The following TSPO2 variants were observed in gnomAD, a reference collection of about 807,000 sequenced individuals.
TSPO2 encodes benzodiazapine receptor (peripheral)-like 1.
A neutral mutation model predicts 13.3 loss-of-function variants in TSPO2; 15 were observed. That is an observed-to-expected ratio of 1.13 (90% CI 0.75 to 1.73). The LOEUF (loss-of-function observed/expected upper bound fraction) is 1.73, where lower values mean the gene tolerates loss of function less well. Among genes scored for constraint, TSPO2 ranks in the 40% most tolerant of loss-of-function variants. The pLI, the probability that TSPO2 is intolerant of heterozygous loss-of-function variation, is 0.00. For synonymous variants in TSPO2, 81 were observed against 91.6 expected, an observed-to-expected ratio of 0.88 and a Z score of 0.66; for missense variants, 202 against 198.3, an observed-to-expected ratio of 1.02 and a Z score of -0.11.
upstream of TSPO2, among the ~76,000 whole-genome samples, chr6:41,041,651 C>T (rs1176657387): frequency 6.6e-6 from 1 of 152,242 alleles, no homozygotes; most frequent in Non-Finnish European, 1.5e-5. Context: ...CCAGAACCTC[C>T]AGGACCAGTG....
In TSPO2 at chr6:41,044,093, CT is replaced by C; in HGVS notation, c.472del (p.Cys158ValfsTer38). On this transcript the variant is annotated frameshift_variant, in exon 4 of 4. Transcript: ENST00000373161. LOFTEE classifies it low-confidence loss of function (END_TRUNC). Reference sequence around the variant, plus strand: ...CACCTACCACCTGTGGAGGGACAGCCTTTGTCCAGTGCACCAGCCTCAGCCC... The same window carrying C: ...CACCTACCACCTGTGGAGGGACAGCCTTGTCCAGTGCACCAGCCTCAGCCC... ...ALTYHLWRDS[L>X]CPVHQPQPTE... The C allele has an allele frequency of 6.2e-7, 1 of 1,614,182 alleles. No homozygotes were observed. The highest frequency in any genetic ancestry group is 2.2e-5 in the East Asian group (1 of 44,876).
upstream of TSPO2, among the ~76,000 whole-genome samples, chr6:41,042,146 G>C (rs1477121590): frequency 6.6e-6 from 1 of 152,112 alleles, no homozygotes; most frequent in Non-Finnish European, 1.5e-5. Flanking sequence ...GCTGGAGGAG[G>C]GTCTGTACAT....
In TSPO2 at chr6:41,044,144, A is replaced by G. The variant is rs1762641035; in HGVS notation, c.*7A>G. ...CACGGAGAAGAGTGACTGAGGCCCT[A>G]GGGCATGGGAGAGGAGGGACGCCCA... On this transcript the variant is annotated 3_prime_UTR_variant, in exon 4 of 4. Coordinates refer to ENST00000373161, the MANE Select transcript of TSPO2 (RefSeq NM_001010873.3). 4.3e-6 allele frequency: 7 copies of G among 1,613,984 alleles called. No individual in the cohort carries two copies. The highest frequency in any genetic ancestry group is 4.2e-6 in the Non-Finnish European group (5 of 1,179,948).
rs756026828 is a variant in TSPO2 at position 41,042,990 on chromosome 6, G to A, written c.5G>A (p.Arg2Gln). M[R>Q]LQGAIFVLLP... Reference sequence around the variant, plus strand: ...GATTTTGCCTCTTCAAGGTGAATGCGGCTTCAAGGGGCTATCTTTGTGCTC... The same window carrying A: ...GATTTTGCCTCTTCAAGGTGAATGCAGCTTCAAGGGGCTATCTTTGTGCTC... The change falls in exon 2 of 4, where the codon CGG becomes CAG. Residue 2 changes from arginine to glutamine, a missense_variant. Transcript: ENST00000373161. 9 of 1,613,610 alleles carry A rather than the reference G, an allele frequency of 5.6e-6. No individual in the cohort carries two copies. The highest frequency in any genetic ancestry group is 2.2e-5 in the East Asian group (1 of 44,876).
Position 41,043,271 on chromosome 6 carries a change from C to G in TSPO2, c.173+113C>G, listed in dbSNP as rs546912396. On this transcript the variant is annotated intron_variant, in intron 2 of 3. Coordinates refer to ENST00000373161, the MANE Select transcript of TSPO2 (RefSeq NM_001010873.3). ...TCCAAAGGTAGGCGCTTTGTCTTGC[C>G]TCTCACCACCATAGTGGGTCCTCCA... The G allele has an allele frequency of 6.7e-5, 87 of 1,299,996 alleles. No individual in the cohort carries two copies. The African/African-American group carries it at 1.0e-3, about 15-fold the overall frequency. 80.5% of individuals were successfully genotyped at this position (1,299,996 alleles called of 1,614,324 possible).
In TSPO2 at chr6:41,043,149, CTG is replaced by C. The variant is rs1762616341; in HGVS notation, c.166_167del (p.Val56ArgfsTer114). 4 of 1,612,202 alleles carry C rather than the reference CTG, an allele frequency of 2.5e-6. No homozygotes were observed. Among genetic ancestry groups the C allele is most frequent in the Non-Finnish European group, 3.4e-6 (4 of 1,178,940 alleles). Reference sequence around the variant, plus strand: ...TTGCTTGTACAGACAGCCATCTACTCTGTCGTGGGGTGAGTACTTGTTTCTCA... The same window carrying C: ...TTGCTTGTACAGACAGCCATCTACTCTCGTGGGGTGAGTACTTGTTTCTCA... On this transcript the variant is annotated frameshift_variant, in exon 2 of 4. Transcript: ENST00000373161. LOFTEE classifies it high-confidence loss of function.
rs764268789 is a variant in TSPO2 at position 41,042,959 on chromosome 6, T to C, written c.-20-7T>C. On this transcript the variant is annotated splice_polypyrimidine_tract_variant and splice_region_variant and intron_variant, in intron 1 of 3. Coordinates refer to ENST00000373161, the MANE Select transcript of TSPO2 (RefSeq NM_001010873.3). ...GCTCATCACTAGCATGTTCTCTGCC[T>C]CCCCAGATTTTGCCTCTTCAAGGTG... 9.3e-5 allele frequency: 150 copies of C among 1,612,492 alleles called. 2 individuals carry two copies. In the South Asian group the frequency reaches 1.6e-3, roughly 17 times the overall value.
At chr6:41,043,409 C>A in intron 2 of TSPO2, 148 bp from the exon 3 acceptor site, 1 of 1,112,856 alleles carries the variant, frequency 9.0e-7, no homozygotes, top group Non-Finnish European at 1.3e-6. Flanking sequence ...CTCCCACCAA[C>A]TCCCTCCCTG....
chr6:41,043,236 T>G, intron 2 of TSPO2, 78 bp downstream of exon 2: 1 of 1,494,626 alleles, frequency 6.7e-7, no homozygotes, highest in Non-Finnish European at 9.0e-7. Context: ...ATTACTCCCA[T>G]ATATTGGCCT....
rs1468462781 is a variant in TSPO2 at position 41,042,638 on chromosome 6, G to A, written c.-161G>A. On this transcript the variant is annotated 5_prime_UTR_variant, in exon 1 of 4. Coordinates refer to ENST00000373161, the MANE Select transcript of TSPO2 (RefSeq NM_001010873.3). ...CCACTGCAGAAAAGCTCATCACCCG[G>A]GACCTGATCTCCAGGACTCAGAAGC... 1.0e-5 allele frequency: 5 copies of A among 497,564 alleles called. No individual in the cohort carries two copies. Among genetic ancestry groups the A allele is most frequent in the Non-Finnish European group, 2.0e-5 (5 of 254,618 alleles). 30.8% of individuals were successfully genotyped at this position (497,564 alleles called of 1,614,324 possible). A position where few individuals can be genotyped will look rare whatever the true frequency, so the allele number is the denominator to read the frequency against.
upstream of TSPO2, among the ~76,000 whole-genome samples, chr6:41,042,241 G>A (rs978066519): frequency 6.6e-6 from 1 of 152,174 alleles, no homozygotes; most frequent in Non-Finnish European, 1.5e-5. Context: ...TCCTTGAAAA[G>A]TCAGGCCACA....
In TSPO2 at chr6:41,044,253, G is replaced by A. The variant is rs564518910; in HGVS notation, c.*116G>A. 2.6e-5 allele frequency: 26 copies of A among 1,018,910 alleles called. No homozygotes were observed. The highest frequency in any genetic ancestry group is 6.0e-5 in the South Asian group (4 of 66,648). The allele number at this position is 1,018,910 out of a possible 1,614,324, so 63.1% of individuals were successfully genotyped here. A position where few individuals can be genotyped will look rare whatever the true frequency, so the allele number is the denominator to read the frequency against. ...CCACCCTCCTGGGTCCCCTGGTGCCGTTTTTCCTTAGAAATCAGAGAAATG... is the reference window on the plus strand; with the variant it reads ...CCACCCTCCTGGGTCCCCTGGTGCCATTTTTCCTTAGAAATCAGAGAAATG... On this transcript the variant is annotated 3_prime_UTR_variant, in exon 4 of 4. Transcript: ENST00000373161.
Position 41,043,020 on chromosome 6 carries a change from C to T in TSPO2, c.35C>T (p.Pro12Leu). The T allele has an allele frequency of 6.2e-7, 1 of 1,614,084 alleles. No homozygotes were observed. The highest frequency in any genetic ancestry group is 8.5e-7 in the Non-Finnish European group (1 of 1,180,000). ...CAAGGGGCTATCTTTGTGCTCCTGCCCCACCTGGGGCCCATCCTGGTCTGG... is the reference window on the plus strand; with the variant it reads ...CAAGGGGCTATCTTTGTGCTCCTGCTCCACCTGGGGCCCATCCTGGTCTGG... The part of the protein sequence containing the change: ...RLQGAIFVLL[P>L]HLGPILVWLF... Residue 12 changes from proline (P) to leucine (L), a missense_variant, in exon 2 of 4, where the codon CCC becomes CTC. Transcript: ENST00000373161.
At chr6:41,043,293 T>C in intron 2 of TSPO2, 135 bp downstream of exon 2, 1 of 1,166,926 alleles carries the variant, frequency 8.6e-7, no homozygotes, top group Non-Finnish European at 1.2e-6. Flanking sequence ...TAGTGGGTCC[T>C]CCAGAAAGTA....
At position 41,044,052 on chromosome 6, in the gene TSPO2, C is replaced by T. The variant is rs2114018546; in HGVS notation, c.428C>T (p.Thr143Ile). The stretch of plus-strand genomic sequence containing the variant: ...CTGCTGCCCTACCTAGCCTGGCTCA[C>T]CGTGACTTCAGCCCTCACCTACCAC... ...LLLLPYLAWL[T>I]VTSALTYHLW... Residue 143 changes from threonine to isoleucine, a missense_variant, in exon 4 of 4, where the codon ACC becomes ATC. Thr to Ile is a moderately conservative substitution (Grantham distance 89). Coordinates refer to ENST00000373161, the MANE Select transcript of TSPO2 (RefSeq NM_001010873.3). 6.2e-7 allele frequency: 1 copy of T among 1,614,206 alleles called. No homozygotes were observed. Among genetic ancestry groups the T allele is most frequent in the East Asian group, 2.2e-5 (1 of 44,878 alleles).
Position 41,044,031 on chromosome 6 carries a change from TG to T in TSPO2, c.408del (p.Tyr138ThrfsTer2). 1 of 1,614,200 alleles carries T rather than the reference TG, an allele frequency of 6.2e-7. No individual in the cohort carries two copies. On this transcript the variant is annotated frameshift_variant, in exon 4 of 4. Transcript: ENST00000373161. LOFTEE classifies it high-confidence loss of function. ...AACAAACTGGCTGCCCTGTTACTGC[TG>T]CCCTACCTAGCCTGGCTCACCGTGA... ...PINKLAALLL[L>X]PYLAWLTVTS...
upstream of TSPO2, among the ~76,000 whole-genome samples, chr6:41,041,696 C>A (rs545801784): frequency 6.6e-6 from 1 of 152,354 alleles, no homozygotes; most frequent in East Asian, 1.9e-4. Context: ...TGGATTAGGG[C>A]CAGGCACAGT....
rs1446641265 is a variant in TSPO2 at position 41,044,096 on chromosome 6, T to G, written c.472T>G (p.Cys158Gly). 3.1e-6 allele frequency: 5 copies of G among 1,614,006 alleles called. No homozygotes were observed. The African/African-American group carries it at 6.7e-5, about 22-fold the overall frequency. Residue 158 changes from cysteine (C) to glycine (G), a missense_variant, in exon 4 of 4, where the codon TGT (cysteine) becomes GGT (glycine). By Grantham distance (159) the Cys-to-Gly change is radical. Coordinates refer to ENST00000373161, the MANE Select transcript of TSPO2 (RefSeq NM_001010873.3). ...CTACCACCTGTGGAGGGACAGCCTT[T>G]GTCCAGTGCACCAGCCTCAGCCCAC... is the stretch of plus-strand genomic sequence containing the variant. ...LTYHLWRDSL[C>G]PVHQPQPTEK...
chr6:41,042,478 C>T lies in TSPO2; in HGVS notation c.-321C>T, dbSNP rs376681242. 4.1e-5 allele frequency: 14 copies of T among 341,942 alleles called. No homozygotes were observed. Among genetic ancestry groups the T allele is most frequent in the East Asian group, 2.2e-4 (3 of 13,404 alleles). The allele number at this position is 341,942 out of a possible 1,614,324, so 21.2% of individuals were successfully genotyped here. ...GATAAGCCTGGGACAGATGTGCTGC[C>T]GCATTCGTGACTAGAAAAGAGTCCC... On this transcript the variant is annotated 5_prime_UTR_variant, in exon 1 of 4. Coordinates refer to ENST00000373161, the MANE Select transcript of TSPO2 (RefSeq NM_001010873.3).
Sources: allele counts gnomAD v4.1 joint callset (sites outside exome capture counted in the v4.1 genomes callset), GRCh38; gene constraint gnomAD v4.1.1; transcripts MANE v1.5; gene names NCBI Gene and HGNC (gene_info 2026-07-23, HGNC 2026-07-21).